Variants in TYW1 observed in about 807,000 individuals in gnomAD.
TYW1 encodes tRNA-yW synthesizing protein 1 homolog, also known as S-adenosyl-L-methionine-dependent tRNA 4-demethylwyosine synthase TYW1.
TYW1 carries 46 observed loss-of-function variants against 96.2 expected under a neutral mutation model. That is an observed-to-expected ratio of 0.48 (90% CI 0.38 to 0.61). The LOEUF is 0.61. TYW1 is among the 20% of genes least tolerant of loss of function. The pLI, the probability that TYW1 is intolerant of heterozygous loss-of-function variation, is 0.00. For synonymous variants in TYW1, 274 were observed against 323.0 expected, an observed-to-expected ratio of 0.85 and a Z score of 1.63; for missense variants, 684 against 909.6, an observed-to-expected ratio of 0.75 and a Z score of 3.19.
chr7:67,001,151 A>G (rs1686773738), intron 3 of TYW1, among the ~76,000 whole-genome samples: 1 of 152,208 alleles, frequency 6.6e-6, no homozygotes, highest in African/African-American at 2.4e-5. Context: ...AGGTGTACAG[A>G]AAGTTCATAA....
At chr7:67,121,020 T>C (rs1797743345) in intron 13 of TYW1, among the ~76,000 whole-genome samples, 1 of 152,220 alleles carries the variant, frequency 6.6e-6, no homozygotes, top group Non-Finnish European at 1.5e-5. Flanking sequence ...AGTTGTTGTT[T>C]CTTGTTCTTG....
chr7:67,212,166 C>G (rs1035308835), intron 15 of TYW1, among the ~76,000 whole-genome samples: 1 of 151,916 alleles, frequency 6.6e-6, no homozygotes, highest in African/African-American at 2.4e-5. Context: ...GATTATTGTT[C>G]TATATTTATA....
At chr7:67,121,263 C>T (rs904527491) in intron 13 of TYW1, among the ~76,000 whole-genome samples, 5 of 152,204 alleles carry the variant, frequency 3.3e-5, no homozygotes, top group Admixed American at 1.3e-4. Context: ...TGGCTGGGCG[C>T]GGTGGCTCAC....
At chr7:67,211,528 C>T (rs1801025147) in intron 15 of TYW1, among the ~76,000 whole-genome samples, 1 of 152,134 alleles carries the variant, frequency 6.6e-6, no homozygotes, top group Admixed American at 6.6e-5. Context: ...GTTGGGCTGT[C>T]TTTTTAGGCC....
chr7:67,183,092 G>A, intron 13 of TYW1, 34 bp from the exon 14 acceptor site: 1 of 1,568,094 alleles, frequency 6.4e-7, no homozygotes. Flanking sequence ...CGTCCACCAA[G>A]ATAACAACGA....
chr7:67,072,963 T>TTTTTTTTTTTTTTTTTTTTTTTTTTG (rs1219374462), intron 10 of TYW1, among the ~76,000 whole-genome samples: 1 of 118,592 alleles, frequency 8.4e-6, no homozygotes, highest in African/African-American at 3.5e-5. Context: ...TTTTTTTTTT[T>TTTTTTTTTTTTTTTTTTTTTTTTTTG]TATAGAGACA....
intron 13 of TYW1, among the ~76,000 whole-genome samples, chr7:67,118,179 T>C (rs931013270): frequency 2.6e-5 from 4 of 151,820 alleles, no homozygotes; most frequent in South Asian, 4.2e-4. Context: ...ACCAAAAAAT[T>C]AGCCAGTTGT....
At chr7:67,127,176 CGAGAT>C (rs1797936090) in intron 13 of TYW1, among the ~76,000 whole-genome samples, 1 of 103,894 alleles carries the variant, frequency 9.6e-6, no homozygotes. Flanking sequence ...TTTTTTTTTT[CGAGAT>C]CGAGTCTCAC....
chr7:67,156,378 A>T (rs1221139312), intron 13 of TYW1, among the ~76,000 whole-genome samples: 2 of 152,166 alleles, frequency 1.3e-5, no homozygotes, highest in Admixed American at 1.3e-4. Context: ...GTGTGTGCAG[A>T]TGGGCAGACA....
chr7:67,110,096 T>C lies in TYW1; in HGVS notation c.1563-7387T>C, dbSNP rs1195749423. Among the ~76,000 whole-genome samples, 5 of 152,304 alleles carry C rather than the reference T, an allele frequency of 3.3e-5. No homozygotes were observed. The South Asian group carries it at 8.3e-4, about 25-fold the overall frequency. ...TCAAGTTTGTCTGGTGCAAAAAGCC[T>C]TTGGATGTTTCTCCTAAACAATTAT... On this transcript the variant is annotated intron_variant, in intron 12 of 15. Transcript: ENST00000359626.
intron 15 of TYW1, among the ~76,000 whole-genome samples, chr7:67,229,725 G>T (rs1182237973): frequency 6.6e-6 from 1 of 152,166 alleles, no homozygotes. Flanking sequence ...AGGCTGAAAT[G>T]GGAGAATTGC....
chr7:67,027,726 C>T (rs554633865), intron 7 of TYW1, among the ~76,000 whole-genome samples: 8 of 152,042 alleles, frequency 5.3e-5, no homozygotes, highest in South Asian at 2.1e-4. Context: ...GTCAGGTGAT[C>T]GAGACCATCC....
Position 66,996,989 on chromosome 7 carries a change from G to T in TYW1, c.4+7G>T, listed in dbSNP as rs777438638. The T allele has an allele frequency of 1.9e-6, 3 of 1,614,136 alleles. No homozygotes were observed. Among genetic ancestry groups the T allele is most frequent in the Non-Finnish European group, 1.7e-6 (2 of 1,180,002 alleles). On this transcript the variant is annotated splice_region_variant and intron_variant, in intron 1 of 15. Transcript: ENST00000359626. ...TCGGCTCTGAGGAGGATGGGTAAGG[G>T]CACTCGGCGGGCAAGGACCCTGGGG...
intron 10 of TYW1, among the ~76,000 whole-genome samples, chr7:67,073,638 G>C (rs1796106738): frequency 6.6e-6 from 1 of 151,762 alleles, no homozygotes; most frequent in Non-Finnish European, 1.5e-5. Context: ...GCTGGGCGTG[G>C]TGGCAGGCGC....
intron 13 of TYW1, among the ~76,000 whole-genome samples, chr7:67,130,469 C>T (rs566727416): frequency 1.7e-4 from 26 of 151,422 alleles, no homozygotes; most frequent in African/African-American, 5.8e-4. Context: ...TTCAGGAGGT[C>T]GAGACCATCC....
chr7:67,019,685 C>G (rs528539740), intron 6 of TYW1, among the ~76,000 whole-genome samples: 1 of 152,404 alleles, frequency 6.6e-6, no homozygotes, highest in South Asian at 2.1e-4. Flanking sequence ...ATGAGGGCAG[C>G]TGTCTCAGAC....
intron 15 of TYW1, among the ~76,000 whole-genome samples, chr7:67,234,016 G>A (rs751915437): frequency 7.4e-6 from 1 of 134,978 alleles, no homozygotes; most frequent in African/African-American, 3.0e-5. Context: ...GGTTATAAGG[G>A]TAAGCCCTGA....
chr7:67,235,362 G>C (rs1801851098), intron 15 of TYW1, among the ~76,000 whole-genome samples: 1 of 152,292 alleles, frequency 6.6e-6, no homozygotes, highest in Admixed American at 6.5e-5. Context: ...CATGTTGATG[G>C]ATGGATCATG....
chr7:67,071,198 C>T (rs1796016426), intron 10 of TYW1, among the ~76,000 whole-genome samples: 2 of 151,696 alleles, frequency 1.3e-5, no homozygotes, highest in African/African-American at 4.8e-5. Context: ...AGATTTTTCT[C>T]ACTCTTCAGG....
Sources: gnomAD v4.1 joint callset for allele counts (sites outside exome capture counted in the v4.1 genomes callset) on GRCh38, gnomAD v4.1.1 for gene constraint, MANE v1.5 for transcripts, NCBI Gene and HGNC (gene_info 2026-07-23, HGNC 2026-07-21) for gene names.